Variants in SRRM3 observed in about 807,000 individuals in gnomAD.
SRRM3 encodes serine/arginine repetitive matrix 3.
In SRRM3, 27 loss-of-function variants were observed where a neutral mutation model predicts 66.2. The ratio of observed to expected loss-of-function variants is 0.41; its 90% CI spans 0.30 to 0.56. The LOEUF is 0.56. Among genes scored for constraint, SRRM3 ranks in the 20% least tolerant of loss-of-function variants. The pLI, the probability that SRRM3 is intolerant of heterozygous loss-of-function variation, is 0.32. For synonymous variants in SRRM3, 391 were observed against 414.9 expected, an observed-to-expected ratio of 0.94 and a Z score of 0.70; for missense variants, 918 against 991.9, an observed-to-expected ratio of 0.93 and a Z score of 1.00.
intron 10 of SRRM3, 131 bp downstream of exon 10, chr7:76,265,599 G>T: frequency 1.5e-6 from 1 of 689,014 alleles, no homozygotes; most frequent in Non-Finnish European, 2.3e-6. Flanking sequence ...TTTATCAGGG[G>T]TAGCCAGGTG....
At position 76,202,495 on chromosome 7, in the gene SRRM3, A is replaced by C. The variant is rs782795525; in HGVS notation, c.-40+428A>C. Among the ~76,000 whole-genome samples the C allele has an allele frequency of 1.1e-3, 169 of 152,094 alleles. 2 individuals carry two copies. Among genetic ancestry groups the C allele is most frequent in the Non-Finnish European group, 1.8e-3 (123 of 67,982 alleles). ...GGATGCTGGGCCTCTGTCCAGCAGG[A>C]GGTGCCGGCCCAGGGGACAGCCTGG... On this transcript the variant is annotated intron_variant, in intron 1 of 14. Coordinates refer to ENST00000611745, the MANE Select transcript of SRRM3 (RefSeq NM_001110199.3).
chr7:76,203,923 T>C (rs569488325), intron 1 of SRRM3, among the ~76,000 whole-genome samples: 21 of 152,078 alleles, frequency 1.4e-4, no homozygotes, highest in African/African-American at 5.1e-4. Context: ...AGTAAGGAGG[T>C]GACTCCCACA....
At chr7:76,259,640 C>G in intron 3 of SRRM3, among the ~76,000 whole-genome samples, 1 of 151,152 alleles carries the variant, frequency 6.6e-6, no homozygotes, top group East Asian at 1.9e-4. Context: ...AGAAGGGGTG[C>G]GGGCTAAATA....
intron 1 of SRRM3, among the ~76,000 whole-genome samples, chr7:76,202,926 G>A (rs1348196213): frequency 2.6e-5 from 4 of 152,176 alleles, no homozygotes; most frequent in African/African-American, 9.7e-5. Flanking sequence ...AAGGTCTGAC[G>A]TGGTACTTCA....
chr7:76,261,264 A>G, intron 6 of SRRM3, 88 bp from the exon 7 acceptor site: 1 of 876,504 alleles, frequency 1.1e-6, no homozygotes, highest in South Asian at 1.7e-5. Context: ...TCCAGCTTCA[A>G]TGTCCCAAGC....
At chr7:76,236,005 C>CAAAAAAAAAAAAAAAAAAAAA (rs1161706465) in intron 2 of SRRM3, among the ~76,000 whole-genome samples, 3 of 20,274 alleles carry the variant, frequency 1.5e-4, no homozygotes, top group African/African-American at 4.8e-4. Context: ...GATTCTGTCT[C>CAAAAAAAAAAAAAAAAAAAAA]AAAAAAAAAA....
chr7:76,246,301 C>T (rs782754296), intron 2 of SRRM3, among the ~76,000 whole-genome samples: 4 of 152,102 alleles, frequency 2.6e-5, no homozygotes, highest in South Asian at 2.1e-4. Context: ...CGTTGTCTCA[C>T]GCCTGTAATC....
At chr7:76,258,825 A>G (rs6978792) in intron 3 of SRRM3, among the ~76,000 whole-genome samples, 57,415 of 151,526 alleles carry the variant, frequency 0.38, 13,268 homozygotes, top group African/African-American at 0.63. Flanking sequence ...GGGAGGCCAA[A>G]GCTGGCAGAT....
intron 1 of SRRM3, among the ~76,000 whole-genome samples, chr7:76,222,987 T>A (rs1800764067): frequency 6.6e-6 from 1 of 152,086 alleles, no homozygotes; most frequent in Non-Finnish European, 1.5e-5. Flanking sequence ...GACCAGGACA[T>A]CCTTCTCCTC....
intron 11 of SRRM3, 113 bp downstream of exon 11, chr7:76,267,548 G>A (rs901232805): frequency 1.1e-5 from 7 of 634,044 alleles, no homozygotes; most frequent in Non-Finnish European, 1.5e-5. Flanking sequence ...GGCGGGGGCG[G>A]GGGCGGCCGC....
intron 12 of SRRM3, among the ~76,000 whole-genome samples, 168 bp downstream of exon 12, chr7:76,281,970 AC>A (rs1211138337): frequency 4.4e-5 from 2 of 45,368 alleles, no homozygotes; most frequent in African/African-American, 8.8e-5. Flanking sequence ...CCCATGAGCT[AC>A]CCCCCACGGA....
intron 2 of SRRM3, among the ~76,000 whole-genome samples, chr7:76,244,962 C>T (rs917479792): frequency 6.6e-6 from 1 of 152,226 alleles, no homozygotes; most frequent in East Asian, 1.9e-4. Flanking sequence ...AAAGCCCCTG[C>T]CCTCAGGGAA....
In SRRM3 at chr7:76,285,680, G is replaced by T. The variant is rs1802646949; in HGVS notation, c.1799G>T (p.Ser600Ile). ...TCTTCCTCCTCCAGCTGCTTGAGCA[G>T]CGACTACTCGACCCGGAGCCACAGC... Reference protein sequence around the residue: ...SPSSSSSCLSSDYSTRSHSRS... With the variant: ...SPSSSSSCLSIDYSTRSHSRS... Residue 600 changes from serine (S) to isoleucine (I), a missense_variant, in exon 15 of 15, where the codon AGC becomes ATC. Coordinates refer to ENST00000611745, the MANE Select transcript of SRRM3 (RefSeq NM_001110199.3). This position sits in a 1 kb window ranked among gnomAD's most constrained non-coding sequence, Gnocchi z 4.1. The T allele has an allele frequency of 1.3e-6, 2 of 1,551,026 alleles. No individual in the cohort carries two copies. Among genetic ancestry groups the T allele is most frequent in the East Asian group, 2.4e-5 (1 of 40,924 alleles).
At chr7:76,271,609 C>T (rs1003936241) in intron 11 of SRRM3, among the ~76,000 whole-genome samples, 1 of 152,196 alleles carries the variant, frequency 6.6e-6, no homozygotes, top group Non-Finnish European at 1.5e-5. Context: ...CGCCACTGCA[C>T]TCCAGCTTGG....
At chr7:76,236,843 G>A (rs1336219753) in intron 2 of SRRM3, among the ~76,000 whole-genome samples, 1 of 152,134 alleles carries the variant, frequency 6.6e-6, no homozygotes, top group Non-Finnish European at 1.5e-5. Flanking sequence ...GCTGGCAAGG[G>A]AACATGTTGA....
At chr7:76,228,451 G>A (rs1048348451) in intron 1 of SRRM3, among the ~76,000 whole-genome samples, 6 of 152,094 alleles carry the variant, frequency 3.9e-5, no homozygotes, top group Admixed American at 1.3e-4. Flanking sequence ...CTTGCTGGGC[G>A]CGGTGGCTCA....
chr7:76,212,395 G>A (rs938599527), intron 1 of SRRM3, among the ~76,000 whole-genome samples: 2 of 148,944 alleles, frequency 1.3e-5, no homozygotes, highest in Admixed American at 1.4e-4. Context: ...GGCCTCAACT[G>A]ATCCTCCCAC....
At chr7:76,273,245 T>G (rs1314408154) in intron 11 of SRRM3, 1 of 152,344 alleles carries the variant, frequency 6.6e-6, no homozygotes, top group East Asian at 1.9e-4. Context: ...TCCCCCGGCA[T>G]GGGCCTCTCT....
intron 5 of SRRM3, 30 bp downstream of exon 5, chr7:76,260,227 GGGA>G (rs1391110759): frequency 1.6e-5 from 24 of 1,501,752 alleles, no homozygotes; most frequent in Non-Finnish European, 2.1e-5. Context: ...GGAGCGGGAA[GGGA>G]GGAGGAGGTG....
Sources: gnomAD v4.1 joint callset for allele counts (sites outside exome capture counted in the v4.1 genomes callset) on GRCh38, gnomAD v4.1.1 for gene constraint, Gnocchi (gnomAD v3.1) non-coding constraint, MANE v1.5 for transcripts, NCBI Gene and HGNC (gene_info 2026-07-23, HGNC 2026-07-21) for gene names.